Variants in ZMYM2 observed in about 807,000 individuals in gnomAD.
ZMYM2 encodes the protein zinc finger MYM-type protein 2.
Under a neutral mutation model 162.8 loss-of-function variants are expected in ZMYM2, and 56 were observed. That is an observed-to-expected ratio of 0.34 (90% CI 0.28 to 0.43). The LOEUF is 0.43. Ranked by LOEUF, ZMYM2 falls within the 20% of genes least tolerant of loss-of-function variation. The pLI is 1.00. For missense variants in ZMYM2, 1,275 were observed against 1,621.8 expected, an observed-to-expected ratio of 0.79 and a Z score of 3.67; for synonymous variants, 510 against 541.6, an observed-to-expected ratio of 0.94 and a Z score of 0.81.
At chr13:20,084,450 A>G (rs974701416) in intron 24 of ZMYM2, among the ~76,000 whole-genome samples, 2 of 152,234 alleles carry the variant, frequency 1.3e-5, no homozygotes, top group Non-Finnish European at 2.9e-5. Context: ...TCTTGTGACT[A>G]GAAAGCAGCC....
the ZMYM2 span, among the ~76,000 whole-genome samples, chr13:19,886,301 A>G: frequency 6.7e-6 from 1 of 149,968 alleles, no homozygotes; most frequent in Non-Finnish European, 1.5e-5. Context: ...AGTAGCTGGG[A>G]TTACAGGCGT....
At chr13:19,963,786 A>C (rs1352586942) in intron 2 of ZMYM2, among the ~76,000 whole-genome samples, 1 of 152,168 alleles carries the variant, frequency 6.6e-6, no homozygotes, top group Non-Finnish European at 1.5e-5. Context: ...TACTTGAAGC[A>C]CTTCTGTGGA....
chr13:19,920,466 C>T, the ZMYM2 span, among the ~76,000 whole-genome samples: 1 of 149,160 alleles, frequency 6.7e-6, no homozygotes, highest in Non-Finnish European at 1.5e-5. Flanking sequence ...TTGTATCACT[C>T]AATTCAGAGT....
At chr13:19,962,209 T>A (rs956178714) in intron 2 of ZMYM2, among the ~76,000 whole-genome samples, 1 of 152,142 alleles carries the variant, frequency 6.6e-6, no homozygotes, top group Non-Finnish European at 1.5e-5. Flanking sequence ...TTCAGTTTTA[T>A]TGTATTTTGC....
At chr13:19,965,545 A>G (rs997488026) in intron 2 of ZMYM2, among the ~76,000 whole-genome samples, 2 of 152,206 alleles carry the variant, frequency 1.3e-5, no homozygotes, top group Admixed American at 6.5e-5. Context: ...ATTATGGGCT[A>G]GCAGTTTCTT....
intron 10 of ZMYM2, 59 bp from the exon 11 acceptor site, chr13:20,034,195 C>A: frequency 1.7e-6 from 1 of 572,330 alleles, no homozygotes; most frequent in South Asian, 4.2e-5. Flanking sequence ...GTAAAAGTGG[C>A]GTGTTTATTT....
intron 16 of ZMYM2, among the ~76,000 whole-genome samples, chr13:20,060,772 C>T (rs1369760723): frequency 2.6e-5 from 4 of 152,108 alleles, no homozygotes; most frequent in South Asian, 2.1e-4. Flanking sequence ...AAATCACTTG[C>T]AGTACTTAGA....
At chr13:19,951,912 T>C in the ZMYM2 span, among the ~76,000 whole-genome samples, 13 of 152,126 alleles carry the variant, frequency 8.5e-5, no homozygotes, top group Non-Finnish European at 1.5e-4. Context: ...ATGAAATCAG[T>C]TCCTTCAGGT....
chr13:19,907,920 A>C, the ZMYM2 span, among the ~76,000 whole-genome samples: 399 of 152,220 alleles, frequency 2.6e-3, 1 homozygote, highest in African/African-American at 8.7e-3. Flanking sequence ...TGCTTGTTTC[A>C]TGGGTAAACT....
Position 20,082,928 on chromosome 13 carries a change from C to G in ZMYM2, c.3716C>G (p.Ser1239Cys). Residue 1239 changes from serine to cysteine, a missense_variant, in exon 23 of 25, where the codon TCC (serine) becomes TGC (cysteine). This residue lies in a region of ZMYM2 where 103 missense variants were observed against 192.2 expected (regional missense o/e 0.54). Transcript: ENST00000610343. ...ACAGTGGAACAACACTTAAGACTTT[C>G]CTTTGGCACTGTGTTTAGGCATTGG... is the stretch of plus-strand genomic sequence containing the variant. ...LKTVEQHLRL[S>C]FGTVFRHWKK... is the part of the protein sequence containing the mutation. The G allele has an allele frequency of 6.2e-7, 1 of 1,613,906 alleles. No individual in the cohort carries two copies. Among genetic ancestry groups the G allele is most frequent in the Non-Finnish European group, 8.5e-7 (1 of 1,179,866 alleles).
At chr13:19,906,816 C>T in the ZMYM2 span, among the ~76,000 whole-genome samples, 1 of 152,110 alleles carries the variant, frequency 6.6e-6, no homozygotes, top group South Asian at 2.1e-4. Flanking sequence ...CCACCTTCCC[C>T]TCCTAGTTTT....
the ZMYM2 span, among the ~76,000 whole-genome samples, chr13:19,867,833 C>A: frequency 2.0e-5 from 3 of 152,210 alleles, no homozygotes; most frequent in Non-Finnish European, 4.4e-5. Context: ...ACCATGTTGG[C>A]CAGGCTGGTC....
In ZMYM2 at chr13:19,972,916, GAT is replaced by G. The variant is rs756817428; in HGVS notation, c.-11+12899_-11+12900del. On this transcript the variant is annotated intron_variant, in intron 2 of 24. Transcript: ENST00000610343. ...TACAAATTATATATATACATATATA[GAT>G]ATATATATGTATATATGTTTTTTTG... Among the ~76,000 whole-genome samples the G allele has an allele frequency of 1.2e-3, 173 of 149,708 alleles. 1 individual carries two copies. Among genetic ancestry groups the G allele is most frequent in the Non-Finnish European group, 2.1e-3 (139 of 67,568 alleles).
chr13:20,003,607 TCTA>T (rs921434968), intron 4 of ZMYM2, among the ~76,000 whole-genome samples: 8 of 151,944 alleles, frequency 5.3e-5, no homozygotes, highest in Admixed American at 2.0e-4. Context: ...GATCCTCTCT[TCTA>T]CTGTTTTTTT....
chr13:19,999,702 A>T (rs960403120), intron 3 of ZMYM2, among the ~76,000 whole-genome samples: 1 of 152,264 alleles, frequency 6.6e-6, no homozygotes, highest in Non-Finnish European at 1.5e-5. Flanking sequence ...GCTGAGAGCT[A>T]GGCCTCTTGA....
intron 24 of ZMYM2, among the ~76,000 whole-genome samples, chr13:20,084,238 C>G (rs1220892052): frequency 6.6e-6 from 1 of 152,204 alleles, no homozygotes; most frequent in African/African-American, 2.4e-5. Flanking sequence ...GTCTTGAACT[C>G]CTGACCTCAA....
At chr13:20,050,752 G>T (rs952135072) in intron 12 of ZMYM2, among the ~76,000 whole-genome samples, 2 of 151,940 alleles carry the variant, frequency 1.3e-5, no homozygotes, top group African/African-American at 2.4e-5. Context: ...ATTTTAATTT[G>T]TTGTTCTTGT....
At chr13:19,943,000 G>A in the ZMYM2 span, among the ~76,000 whole-genome samples, 2 of 152,126 alleles carry the variant, frequency 1.3e-5, no homozygotes. Context: ...AAACAGCACA[G>A]ATTTATTCTT....
At chr13:20,010,997 G>A (rs1438144366) in intron 6 of ZMYM2, among the ~76,000 whole-genome samples, 1 of 152,134 alleles carries the variant, frequency 6.6e-6, no homozygotes, top group Non-Finnish European at 1.5e-5. Context: ...ACAGAGTGAT[G>A]TTTTTATACA....
Sources: gnomAD v4.1 joint callset for allele counts (sites outside exome capture counted in the v4.1 genomes callset) on GRCh38, gnomAD v4.1.1 for gene constraint, gnomAD v4.1.1 regional missense constraint, MANE v1.5 for transcripts, NCBI Gene and HGNC (gene_info 2026-07-23, HGNC 2026-07-21) for gene names.